Variants in ASIC2 observed in about 807,000 individuals in gnomAD.
The protein encoded by ASIC2 is acid sensing ion channel subunit 2, also known as acid-sensing ion channel 2.
ASIC2 carries 25 observed loss-of-function variants against 57.3 expected under a neutral mutation model. The ratio of observed to expected loss-of-function variants is 0.44; its 90% confidence interval spans 0.32 to 0.61. ASIC2 has a LOEUF of 0.61. ASIC2 is among the 20% of genes least tolerant of loss of function. The probability of loss-of-function intolerance (pLI) is 0.06; values close to 1 mark genes in which losing one functional copy is unlikely to be tolerated. For missense variants in ASIC2, 641 were observed against 738.1 expected, an observed-to-expected ratio of 0.87 and a Z score of 1.52; for synonymous variants, 319 against 307.5, an observed-to-expected ratio of 1.04 and a Z score of -0.39.
chr17:33,067,991 C>T (rs1049083757), intron 3 of ASIC2, among the ~76,000 whole-genome samples: 1 of 152,208 alleles, frequency 6.6e-6, no homozygotes, highest in South Asian at 2.1e-4. Flanking sequence ...AGAGAGAGGG[C>T]TCCGGGCAAG....
At chr17:33,635,642 G>A (rs967957890) in intron 1 of ASIC2, among the ~76,000 whole-genome samples, 3 of 152,208 alleles carry the variant, frequency 2.0e-5, no homozygotes, top group South Asian at 2.1e-4. Flanking sequence ...TAAACAGAGC[G>A]ATGAGGAGGC....
intron 1 of ASIC2, among the ~76,000 whole-genome samples, chr17:33,406,499 G>C (rs915146159): frequency 6.6e-6 from 1 of 152,206 alleles, no homozygotes; most frequent in South Asian, 2.1e-4. Flanking sequence ...GCACTGTGCA[G>C]AGCTGGAATC....
chr17:33,283,273 T>C (rs908060571), intron 1 of ASIC2, among the ~76,000 whole-genome samples: 2 of 152,212 alleles, frequency 1.3e-5, no homozygotes, highest in African/African-American at 4.8e-5. Flanking sequence ...GATCCCTCCT[T>C]ATCAGCATTC....
At chr17:34,138,381 C>T (rs1912180867) in intron 1 of ASIC2, among the ~76,000 whole-genome samples, 1 of 152,150 alleles carries the variant, frequency 6.6e-6, no homozygotes, top group African/African-American at 2.4e-5. Context: ...TGAAGTTTTC[C>T]TTTGCTGCCC....
intron 1 of ASIC2, among the ~76,000 whole-genome samples, chr17:33,306,050 C>T (rs935362107): frequency 2.0e-5 from 3 of 152,184 alleles, no homozygotes; most frequent in Non-Finnish European, 4.4e-5. Flanking sequence ...AATTTCATGG[C>T]ATTTAAATGT....
At chr17:33,340,336 G>A (rs1368760449) in intron 1 of ASIC2, among the ~76,000 whole-genome samples, 2 of 152,120 alleles carry the variant, frequency 1.3e-5, no homozygotes, top group Non-Finnish European at 2.9e-5. Context: ...CTGCCAGAGT[G>A]TTAGTTTCCT....
rs10717410 is a variant in ASIC2 at position 33,211,536 on chromosome 17, G to GAAA, written c.708+79869_708+79871dup. Among the ~76,000 whole-genome samples, 46 of 126,706 alleles carry GAAA rather than the reference G, an allele frequency of 3.6e-4. No homozygotes were observed. The South Asian group carries it at 8.0e-3, about 22-fold the overall frequency. The allele number at this position is 126,706 out of a possible 152,430, so 83.1% of individuals were successfully genotyped here. ...GGATAAAGTAAACATCTCTTTAAAT[G>GAAA]AAAAAAAAAAAAAAAAATCAAAGTG... On this transcript the variant is annotated intron_variant, in intron 1 of 9. Coordinates refer to ENST00000225823, the MANE Select transcript of ASIC2 (RefSeq NM_183377.2).
At chr17:34,037,100 C>CTTTAACGGGCAATAGCAACTTT in intron 1 of ASIC2, 1 of 153,038 alleles carries the variant, frequency 6.5e-6, no homozygotes, top group Middle Eastern at 3.4e-3. Flanking sequence ...ACTCTAGTGC[C>CTTTAACGGGCAATAGCAACTTT]TTTAACGGGC....
At chr17:33,694,579 T>A (rs1908471707) in intron 1 of ASIC2, among the ~76,000 whole-genome samples, 1 of 152,214 alleles carries the variant, frequency 6.6e-6, no homozygotes, top group African/African-American at 2.4e-5. Context: ...ACCTCTTCTC[T>A]GATGCTCCCT....
At chr17:33,201,411 C>T (rs1007295998) in intron 1 of ASIC2, among the ~76,000 whole-genome samples, 3 of 152,138 alleles carry the variant, frequency 2.0e-5, no homozygotes, top group African/African-American at 7.2e-5. Context: ...GACTCTAGAC[C>T]AGATTGAAGA....
intron 1 of ASIC2, among the ~76,000 whole-genome samples, chr17:33,151,352 C>T (rs1159771855): frequency 4.0e-5 from 6 of 149,208 alleles, no homozygotes; most frequent in Non-Finnish European, 8.9e-5. Flanking sequence ...CCAGCCTGGG[C>T]GACAGAGAGA....
rs563968630 is a variant in ASIC2, at chr17:33,968,071, C to T, written c.555+187907G>A. On this transcript the variant is annotated intron_variant, in intron 1 of 9. Transcript: ENST00000359872. ...TGAGCCCAAGACTCTTGTCAATACC[C>T]GTATTGTGCCAAGGGTGGCAGACCC... is the stretch of plus-strand genomic sequence containing the variant. Among the ~76,000 whole-genome samples the T allele has an allele frequency of 7.2e-5, 11 of 152,332 alleles. No individual in the cohort carries two copies. The South Asian group carries it at 1.2e-3, about 17-fold the overall frequency.
chr17:33,519,756 G>A (rs1177876262), intron 1 of ASIC2, among the ~76,000 whole-genome samples: 2 of 152,178 alleles, frequency 1.3e-5, no homozygotes, highest in East Asian at 3.9e-4. Context: ...AATAATCTCT[G>A]TGCCCAGGCA....
At chr17:33,077,030 C>T (rs1430401870) in intron 3 of ASIC2, among the ~76,000 whole-genome samples, 3 of 152,058 alleles carry the variant, frequency 2.0e-5, no homozygotes, top group Non-Finnish European at 4.4e-5. Context: ...ATCTCCCCAG[C>T]CCAGAGGCTC....
intron 1 of ASIC2, among the ~76,000 whole-genome samples, chr17:33,211,272 A>G (rs1363510348): frequency 6.6e-6 from 1 of 152,126 alleles, no homozygotes; most frequent in African/African-American, 2.4e-5. Flanking sequence ...AGCTTGCATA[A>G]GCTCAGGTGA....
At chr17:33,279,571 G>A (rs1403637489) in intron 1 of ASIC2, among the ~76,000 whole-genome samples, 1 of 152,136 alleles carries the variant, frequency 6.6e-6, no homozygotes, top group African/African-American at 2.4e-5. Context: ...CAATGGGAGT[G>A]AGGTAGCCAG....
chr17:33,246,988 T>C (rs912278262), intron 1 of ASIC2, among the ~76,000 whole-genome samples: 6 of 152,204 alleles, frequency 3.9e-5, no homozygotes, highest in African/African-American at 1.4e-4. Flanking sequence ...TGAAAAAAGA[T>C]GTAGTTAGCT....
At chr17:33,817,407 C>T (rs962065355) in intron 1 of ASIC2, among the ~76,000 whole-genome samples, 12 of 152,352 alleles carry the variant, frequency 7.9e-5, no homozygotes, top group African/African-American at 2.6e-4. Context: ...CCTCTGCCTA[C>T]AGATGGCCTG....
chr17:33,279,216 C>A (rs576836091), intron 1 of ASIC2, among the ~76,000 whole-genome samples: 1 of 152,294 alleles, frequency 6.6e-6, no homozygotes, highest in South Asian at 2.1e-4. Context: ...TCTTTCTGCA[C>A]CCCATCTTCC....
Sources: gnomAD v4.1 joint callset for allele counts (sites outside exome capture counted in the v4.1 genomes callset) on GRCh38, gnomAD v4.1.1 for gene constraint, MANE v1.5 for transcripts, NCBI Gene and HGNC (gene_info 2026-07-23, HGNC 2026-07-21) for gene names.